The following GNA15 variants were observed in gnomAD, a reference collection of about 807,000 sequenced individuals.
GNA15 encodes the protein G protein subunit alpha 15.
GNA15 carries 23 observed loss-of-function variants against 40.1 expected under a neutral mutation model. The observed-to-expected ratio is 0.57, with a 90% confidence interval of 0.41 to 0.81. The LOEUF is 0.81. Ranked by LOEUF, GNA15 falls within the 40% of genes least tolerant of loss-of-function variation. GNA15 has a pLI of 0.00. For synonymous variants in GNA15, 226 were observed against 210.4 expected, an observed-to-expected ratio of 1.07 and a Z score of -0.64; for missense variants, 522 against 515.8, an observed-to-expected ratio of 1.01 and a Z score of -0.12.
Position 3,148,605 on chromosome 19 carries a change from G to A in GNA15, c.160G>A (p.Gly54Arg), listed in dbSNP as rs1462808020. 3.2e-6 allele frequency: 5 copies of A among 1,581,220 alleles called. No homozygotes were observed. The highest frequency in any genetic ancestry group is 2.3e-5 in the East Asian group (1 of 43,422). Reference protein sequence around the residue: ...KLLLLGPGESGKSTFIKQMRI... With the variant: ...KLLLLGPGESRKSTFIKQMRI... The stretch of plus-strand genomic sequence containing the variant: ...TCCATCCCCAGGCCCAGGCGAGAGC[G>A]GGAAGAGCACCTTCATCAAGCAGAT... Residue 54 changes from glycine (G) to arginine (R), a missense_variant, in exon 2 of 7, where the codon GGG becomes AGG. By Grantham distance (125) the Gly-to-Arg change is moderately radical (BLOSUM62 -2). Coordinates refer to ENST00000262958, the MANE Select transcript of GNA15 (RefSeq NM_002068.4).
intron 2 of GNA15, 195 bp downstream of exon 2, chr19:3,148,970 C>A (rs1220552282): frequency 6.8e-6 from 4 of 586,938 alleles, no homozygotes; most frequent in African/African-American, 5.6e-5. Context: ...AGTGCACACA[C>A]AAGTATACAC....
chr19:3,150,048 G>T, intron 2 of GNA15, 83 bp from the exon 3 acceptor site: 1 of 1,196,440 alleles, frequency 8.4e-7, no homozygotes, highest in South Asian at 1.3e-5. Context: ...TTCAGGGAGG[G>T]ACGTGGGGGC....
chr19:3,150,303 G>A lies in GNA15; in HGVS notation c.485+18G>A. On this transcript the variant is annotated intron_variant, in intron 3 of 6. Transcript: ENST00000262958. Reference sequence around the variant, plus strand: ...GCCGTGTAGTGAGTCTGGGGTCTGCGGGGGATGGGCGCGTGGGGAGGGGCT... The same window carrying A: ...GCCGTGTAGTGAGTCTGGGGTCTGCAGGGGATGGGCGCGTGGGGAGGGGCT... The A allele has an allele frequency of 1.3e-6, 2 of 1,538,486 alleles. No individual in the cohort carries two copies. Among genetic ancestry groups the A allele is most frequent in the Non-Finnish European group, 1.7e-6 (2 of 1,142,904 alleles).
rs1466278858 is a variant in GNA15 at position 3,162,923 on chromosome 19, C to T, written c.1029C>T (p.Tyr343=). The change falls in exon 7 of 7, where the codon TAC becomes TAT. Residue 343 remains tyrosine, a synonymous_variant. Transcript: ENST00000262958. ...GARSRRLFSH[Y]TCATDTQNIR... is the part of the protein sequence containing the mutation. ...GATCCCGACGCCTCTTCAGCCACTA[C>T]ACATGTGCCACAGACACACAGAACA... 1 of 1,613,988 alleles carries T rather than the reference C, an allele frequency of 6.2e-7. No homozygotes were observed. Among genetic ancestry groups the T allele is most frequent in the Non-Finnish European group, 8.5e-7 (1 of 1,179,842 alleles).
chr19:3,155,679 A>C lies in GNA15; in HGVS notation c.615-144A>C. Reference sequence around the variant, plus strand: ...TAAGACTCATCCTTGCCTCGCGGGAATGACATGGCAAATCCACGAGAGGCT... The same window carrying C: ...TAAGACTCATCCTTGCCTCGCGGGACTGACATGGCAAATCCACGAGAGGCT... On this transcript the variant is annotated intron_variant, in intron 4 of 6. Transcript: ENST00000262958. The surrounding 1 kb of genome is among the most constrained non-coding windows in gnomAD (Gnocchi z 5.6). 2.2e-6 allele frequency: 2 copies of C among 900,470 alleles called. No homozygotes were observed. Among genetic ancestry groups the C allele is most frequent in the Non-Finnish European group, 3.4e-6 (2 of 591,378 alleles). The allele number at this position is 900,470 out of a possible 1,614,324, so 55.8% of individuals were successfully genotyped here. A position where few individuals can be genotyped will look rare whatever the true frequency, so the allele number is the denominator to read the frequency against.
chr19:3,142,151 GTCC>G (rs1247121993), intron 1 of GNA15: 2 of 152,378 alleles, frequency 1.3e-5, no homozygotes, highest in African/African-American at 4.8e-5. Flanking sequence ...ACTTCCTCCT[GTCC>G]TCCTCCGTGC....
chr19:3,144,717 A>T (rs552200165), intron 1 of GNA15, among the ~76,000 whole-genome samples: 177 of 149,604 alleles, frequency 1.2e-3, no homozygotes, highest in African/African-American at 4.0e-3. Context: ...TTTAGTAGAG[A>T]CGGGGTTTCA....
chr19:3,154,145 TAGATGGATGGATGGGTG>T, intron 4 of GNA15, among the ~76,000 whole-genome samples: 2 of 143,740 alleles, frequency 1.4e-5, no homozygotes, highest in African/African-American at 5.4e-5. Context: ...GGTGGATGGA[TAGATGGATGGATGGGTG>T]GGATGGATGG....
rs1599328593 is a variant in GNA15, at chr19:3,155,248, A to C, written c.615-575A>C. The C allele has an allele frequency of 6.5e-6, 1 of 152,790 alleles. No individual in the cohort carries two copies. The highest frequency in any genetic ancestry group is 1.9e-4 in the East Asian group (1 of 5,198). The allele number at this position is 152,790 out of a possible 1,614,324, so 9.5% of individuals were successfully genotyped here. A position where few individuals can be genotyped will look rare whatever the true frequency, so the allele number is the denominator to read the frequency against. The stretch of plus-strand genomic sequence containing the variant: ...GAGTAACGGTTGCATCCCCAGGGAA[A>C]TGACGCACAGATGGTTATCAGCGAC... On this transcript the variant is annotated intron_variant, in intron 4 of 6. Coordinates refer to ENST00000262958, the MANE Select transcript of GNA15 (RefSeq NM_002068.4). The surrounding 1 kb of genome is among the most constrained non-coding windows in gnomAD (Gnocchi z 5.6).
Position 3,155,780 on chromosome 19 carries a change from C to T in GNA15, c.615-43C>T. On this transcript the variant is annotated intron_variant, in intron 4 of 6. Transcript: ENST00000262958. This position sits in a 1 kb window ranked among gnomAD's most constrained non-coding sequence, Gnocchi z 5.6. ...GATGGGGGTTGGGGGTGTCACGGAG[C>T]AGGCTCCTGAGCTCTGAAAGGGGGC... is the stretch of plus-strand genomic sequence containing the variant. The T allele has an allele frequency of 6.3e-7, 1 of 1,598,804 alleles. No individual in the cohort carries two copies. Among genetic ancestry groups the T allele is most frequent in the Non-Finnish European group, 8.5e-7 (1 of 1,174,900 alleles).
At position 3,144,734 on chromosome 19, in the gene GNA15, T is replaced by C. The variant is rs570211734; in HGVS notation, c.146-3857T>C. ...TAGTAGAGACGGGGTTTCACCGTGT[T>C]AGCCAGGATGGTCTCGATCTCCTGA... On this transcript the variant is annotated intron_variant, in intron 1 of 6. Transcript: ENST00000262958. 4.0e-3 allele frequency among the ~76,000 whole-genome samples: 609 copies of C among 151,828 alleles called. 1 individual carries two copies. Among genetic ancestry groups the C allele is most frequent in the African/African-American group, 5.3e-3 (218 of 41,360 alleles).
intron 6 of GNA15, among the ~76,000 whole-genome samples, chr19:3,160,663 A>G (rs1282783805): frequency 6.6e-6 from 1 of 152,188 alleles, no homozygotes; most frequent in Non-Finnish European, 1.5e-5. Flanking sequence ...AAAGTACCAC[A>G]AACTGGGTGG....
At chr19:3,150,883 G>A (rs1471415673) in intron 3 of GNA15, among the ~76,000 whole-genome samples, 1 of 151,828 alleles carries the variant, frequency 6.6e-6, no homozygotes, top group African/African-American at 2.4e-5. Context: ...CCTGTTTCTG[G>A]GGGGACCCTG....
At chr19:3,162,658 G>A (rs1915165375) in intron 6 of GNA15, 135 bp from the exon 7 acceptor site, 2 of 623,946 alleles carry the variant, frequency 3.2e-6, no homozygotes, top group African/African-American at 1.8e-5. Context: ...TACAAAAGAT[G>A]GAGTCAACGC....
chr19:3,150,086 C>G (rs1220328837), intron 2 of GNA15, 45 bp from the exon 3 acceptor site: 15 of 1,567,944 alleles, frequency 9.6e-6, no homozygotes, highest in Non-Finnish European at 1.3e-5. Context: ...GAGGGCAGCC[C>G]CACTCAGAAA....
intron 1 of GNA15, among the ~76,000 whole-genome samples, chr19:3,146,147 G>A (rs926917378): frequency 3.9e-5 from 6 of 151,978 alleles, no homozygotes; most frequent in African/African-American, 1.2e-4. Context: ...TGCCTGCACC[G>A]ACCCCTACCC....
chr19:3,160,419 C>T (rs1443529037), intron 6 of GNA15, among the ~76,000 whole-genome samples: 1 of 152,194 alleles, frequency 6.6e-6, no homozygotes, highest in Non-Finnish European at 1.5e-5. Flanking sequence ...ATGGCTGCCT[C>T]AGGGTAGACA....
Position 3,150,276 on chromosome 19 carries a change from C to A in GNA15, c.476C>A (p.Ser159Ter). Residue 159 changes from serine to a stop codon, truncating the protein, a stop_gained, in exon 3 of 7, where the codon TCA becomes TAA. Coordinates refer to ENST00000262958, the MANE Select transcript of GNA15 (RefSeq NM_002068.4). LOFTEE classifies it high-confidence loss of function. ...ERRREFHLLDSAVYYLSHLER... is the reference protein window; with the variant it reads ...ERRREFHLLD ...CGGCGGGAATTCCACCTGCTCGATT[C>A]AGCCGTGTAGTGAGTCTGGGGTCTG... 1 of 1,592,810 alleles carries A rather than the reference C, an allele frequency of 6.3e-7. No individual in the cohort carries two copies. The highest frequency in any genetic ancestry group is 8.5e-7 in the Non-Finnish European group (1 of 1,169,844).
At position 3,136,236 on chromosome 19, in the gene GNA15, C is replaced by A. The variant is rs903581735; in HGVS notation, c.-215C>A. 1 of 541,294 alleles carries A rather than the reference C, an allele frequency of 1.8e-6. No homozygotes were observed. The highest frequency in any genetic ancestry group is 2.0e-5 in the African/African-American group (1 of 50,680). The allele number at this position is 541,294 out of a possible 1,614,324, so 33.5% of individuals were successfully genotyped here. A position where few individuals can be genotyped will look rare whatever the true frequency, so the allele number is the denominator to read the frequency against. ...CACCTCCTCCCGTCCCCACCCTGTTCCCAGCACTCAAGCCTTGCCACCGCC... is the reference window on the plus strand; with the variant it reads ...CACCTCCTCCCGTCCCCACCCTGTTACCAGCACTCAAGCCTTGCCACCGCC... On this transcript the variant is annotated 5_prime_UTR_variant, in exon 1 of 7. Transcript: ENST00000262958. This position sits in a 1 kb window ranked among gnomAD's most constrained non-coding sequence, Gnocchi z 4.9.
Sources: allele counts gnomAD v4.1 joint callset (sites outside exome capture counted in the v4.1 genomes callset), GRCh38; gene constraint gnomAD v4.1.1; non-coding constraint Gnocchi (gnomAD v3.1); transcripts MANE v1.5; gene names NCBI Gene and HGNC (gene_info 2026-07-23, HGNC 2026-07-21).